The following MTFR1 variants were observed in gnomAD, a reference collection of about 807,000 sequenced individuals.
MTFR1 encodes the protein mitochondrial fission regulator 1, also known as chondrocyte protein with a poly-proline region.
A neutral mutation model predicts 38.8 loss-of-function variants in MTFR1; 28 were observed. The ratio of observed to expected loss-of-function variants is 0.72; its 90% CI spans 0.53 to 0.99. The LOEUF is 0.99. Among genes scored for constraint, MTFR1 ranks in the 50% least tolerant of loss-of-function variants. The pLI is 0.00. For synonymous variants in MTFR1, 145 were observed against 137.0 expected (o/e 1.06, Z -0.41); for missense variants, 358 against 395.5 (o/e 0.91, Z 0.81).
chr8:65,772,140 G>A (rs1170915638), downstream of MTFR1, among the ~76,000 whole-genome samples: 1 of 152,042 alleles, frequency 6.6e-6, no homozygotes, highest in Non-Finnish European at 1.5e-5. Context: ...TTTACAACAG[G>A]GAAATTAACA....
intron 3 of MTFR1, among the ~76,000 whole-genome samples, chr8:65,742,776 G>A (rs982478426): frequency 6.6e-5 from 10 of 152,164 alleles, no homozygotes; most frequent in Admixed American, 3.3e-4. Context: ...TTAACTGAAT[G>A]TATAAATCTC....
intron 2 of MTFR1, among the ~76,000 whole-genome samples, chr8:65,681,317 G>C (rs1412073656): frequency 6.6e-6 from 1 of 152,004 alleles, no homozygotes; most frequent in Non-Finnish European, 1.5e-5. Context: ...ATGGGGTTTT[G>C]CCATGTTGGC....
At chr8:65,739,465 T>C in intron 3 of MTFR1, 2 of 1,516,870 alleles carry the variant, frequency 1.3e-6, no homozygotes, top group South Asian at 1.3e-5. Context: ...TGTATAAATG[T>C]AAATCTTGTT....
intron 3 of MTFR1, among the ~76,000 whole-genome samples, chr8:65,691,853 TTAGA>T (rs1248670371): frequency 2.6e-5 from 4 of 152,218 alleles, no homozygotes; most frequent in African/African-American, 9.6e-5. Flanking sequence ...ATTAAGTTGA[TTAGA>T]TAATTATACC....
At chr8:65,707,405 A>G in intron 6 of MTFR1, 149 bp downstream of exon 6, 1 of 726,380 alleles carries the variant, frequency 1.4e-6, no homozygotes, top group Non-Finnish European at 2.2e-6. Flanking sequence ...TTCTATACAC[A>G]GTAGCTAAGA....
At chr8:65,679,176 T>G (rs1231334321) in intron 2 of MTFR1, among the ~76,000 whole-genome samples, 1 of 152,232 alleles carries the variant, frequency 6.6e-6, no homozygotes, top group Non-Finnish European at 1.5e-5. Context: ...AATGCACAAA[T>G]AGCATTCCAC....
intron 3 of MTFR1, among the ~76,000 whole-genome samples, chr8:65,751,783 C>T (rs555366897): frequency 9.2e-5 from 14 of 152,296 alleles, no homozygotes; most frequent in East Asian, 7.7e-4. Flanking sequence ...TGAGCCACTG[C>T]GCCCAGCCCT....
chr8:65,668,696 T>C (rs1223300347), intron 1 of MTFR1, among the ~76,000 whole-genome samples: 1 of 151,690 alleles, frequency 6.6e-6, no homozygotes, highest in African/African-American at 2.4e-5. Flanking sequence ...GTATTTTTAT[T>C]AGAGTTGGAG....
intron 2 of MTFR1, among the ~76,000 whole-genome samples, chr8:65,716,750 T>C (rs1806158329): frequency 1.3e-5 from 2 of 152,248 alleles, no homozygotes; most frequent in Admixed American, 6.5e-5. Flanking sequence ...CCATGATAGT[T>C]CCACTCTCTA....
At chr8:65,737,493 A>G (rs1265210018) in intron 3 of MTFR1, among the ~76,000 whole-genome samples, 3 of 152,104 alleles carry the variant, frequency 2.0e-5, no homozygotes, top group Non-Finnish European at 4.4e-5. Context: ...ATTAGCAAAA[A>G]TGGTTATATT....
At chr8:65,762,874 A>G (rs964008246) in intron 3 of MTFR1, among the ~76,000 whole-genome samples, 3 of 152,058 alleles carry the variant, frequency 2.0e-5, no homozygotes, top group South Asian at 2.1e-4. Flanking sequence ...TGGTGGCTCA[A>G]ACCTATAATC....
At chr8:65,708,786 C>CT in intron 7 of MTFR1, among the ~76,000 whole-genome samples, 190 bp from the exon 8 acceptor site, 1 of 152,240 alleles carries the variant, frequency 6.6e-6, no homozygotes, top group Admixed American at 6.5e-5. Context: ...ACTTCTTTAC[C>CT]TTTCATTCTG....
At chr8:65,680,856 C>G (rs1267141021) in intron 2 of MTFR1, among the ~76,000 whole-genome samples, 3 of 148,568 alleles carry the variant, frequency 2.0e-5, no homozygotes, top group South Asian at 2.1e-4. Flanking sequence ...GTGGTGCCAT[C>G]TTGGCTCACT....
chr8:65,656,563 G>A (rs902439469), intron 1 of MTFR1, among the ~76,000 whole-genome samples: 8 of 147,256 alleles, frequency 5.4e-5, no homozygotes, highest in South Asian at 2.2e-4. Flanking sequence ...GTGCAATGGC[G>A]CGATCTTGGC....
At chr8:65,710,714 T>C (rs1298620282), downstream of MTFR1, among the ~76,000 whole-genome samples, 1 of 151,756 alleles carries the variant, frequency 6.6e-6, no homozygotes, top group Non-Finnish European at 1.5e-5. Context: ...CTTTTTCTCA[T>C]ATAAAGAGAT....
At chr8:65,774,479 C>T (rs1481223002), downstream of MTFR1, among the ~76,000 whole-genome samples, 5 of 152,020 alleles carry the variant, frequency 3.3e-5, no homozygotes, top group East Asian at 9.6e-4. Flanking sequence ...AGAGATAACT[C>T]TTACACAACT....
chr8:65,733,354 T>C (rs371045979), intron 3 of MTFR1, among the ~76,000 whole-genome samples: 66 of 152,310 alleles, frequency 4.3e-4, no homozygotes, highest in African/African-American at 1.5e-3. Flanking sequence ...AGAGAACTTA[T>C]TACCATCTTT....
Position 65,704,926 on chromosome 8 carries a change from G to A in MTFR1, c.514G>A (p.Ala172Thr). ...CCAGCAGGAGCAGCAAAATCTCACTGCAGGTCTGTAAGTCCTACATTTGTT... is the reference window on the plus strand; with the variant it reads ...CCAGCAGGAGCAGCAAAATCTCACTACAGGTCTGTAAGTCCTACATTTGTT... ...VTQQEQQNLT[A>T]GDLDSTTFGT... The change falls in exon 5 of 8, where the codon GCA (alanine) becomes ACA (threonine). Residue 172 changes from alanine (A) to threonine (T), a missense_variant. Ala to Thr is a moderately conservative substitution (Grantham distance 58). Coordinates refer to ENST00000262146, the MANE Select transcript of MTFR1 (RefSeq NM_014637.4). 6.3e-7 allele frequency: 1 copy of A among 1,580,226 alleles called. No homozygotes were observed. Among genetic ancestry groups the A allele is most frequent in the Non-Finnish European group, 8.6e-7 (1 of 1,159,818 alleles).
At chr8:65,693,794 T>C (rs748352039) in intron 4 of MTFR1, 35 bp downstream of exon 4, 4 of 1,483,624 alleles carry the variant, frequency 2.7e-6, no homozygotes, top group Non-Finnish European at 3.8e-6. Context: ...TGAGATGCAA[T>C]ATCTATTTTT....
Sources: allele counts gnomAD v4.1 joint callset (sites outside exome capture counted in the v4.1 genomes callset), GRCh38; gene constraint gnomAD v4.1.1; transcripts MANE v1.5; gene names NCBI Gene and HGNC (gene_info 2026-07-23, HGNC 2026-07-21).